Variants in RAPGEF5 observed in about 807,000 individuals in gnomAD.
The protein encoded by RAPGEF5 is M-Ras-regulated GEF.
A neutral mutation model predicts 125.2 loss-of-function variants in RAPGEF5; 65 were observed. The observed-to-expected ratio is 0.52, with a 90% CI of 0.43 to 0.64. The LOEUF (loss-of-function observed/expected upper bound fraction) is 0.64. Ranked by LOEUF, RAPGEF5 falls within the 30% of genes least tolerant of loss-of-function variation. RAPGEF5 has a pLI of 0.00. For missense variants in RAPGEF5, 958 were observed against 1,048.1 expected (o/e 0.91, Z 1.19); for synonymous variants, 391 against 385.9 (o/e 1.01, Z -0.16).
intron 4 of RAPGEF5, 97 bp from the exon 5 acceptor site, chr7:22,308,604 G>T: frequency 1.0e-6 from 1 of 1,005,022 alleles, no homozygotes; most frequent in Non-Finnish European, 1.4e-6. Context: ...ATAATTGGGA[G>T]CAATCAGGGT....
chr7:22,218,626 T>G (rs1356342939), intron 9 of RAPGEF5, among the ~76,000 whole-genome samples: 1 of 152,160 alleles, frequency 6.6e-6, no homozygotes, highest in Non-Finnish European at 1.5e-5. Flanking sequence ...TTTGAAAAAT[T>G]TAAGCTGCAC....
intron 11 of RAPGEF5, among the ~76,000 whole-genome samples, chr7:22,190,067 A>G (rs5014150): frequency 0.98 from 148,798 of 152,270 alleles, 72,712 homozygotes; most frequent in East Asian, 0.99. Context: ...GGATCACGAG[A>G]TCAGGAGTTC....
At chr7:22,204,126 A>G (rs1210440518) in intron 9 of RAPGEF5, among the ~76,000 whole-genome samples, 5 of 152,216 alleles carry the variant, frequency 3.3e-5, no homozygotes, top group African/African-American at 1.2e-4. Flanking sequence ...CAAGAGGATA[A>G]CATGACTTTT....
chr7:22,122,733 T>C (rs141350925), intron 25 of RAPGEF5, among the ~76,000 whole-genome samples: 36 of 152,352 alleles, frequency 2.4e-4, no homozygotes, highest in African/African-American at 7.5e-4. Context: ...GCAGGATACT[T>C]ATAGCATTTA....
rs1030196660 is a variant in RAPGEF5, at chr7:22,355,016, G to T, written c.231+1814C>A. ...CCAAAATCACAAAGGTAGTTCCAAGGCAGAAGAAAGGGGAAATAAACAGTC... is the reference window on the plus strand; with the variant it reads ...CCAAAATCACAAAGGTAGTTCCAAGTCAGAAGAAAGGGGAAATAAACAGTC... On this transcript the variant is annotated intron_variant, in intron 1 of 25. Coordinates refer to ENST00000665637, the MANE Select transcript of RAPGEF5 (RefSeq NM_012294.5). Among the ~76,000 whole-genome samples, 3 of 152,252 alleles carry T rather than the reference G, an allele frequency of 2.0e-5. 1 individual carries two copies. The highest frequency in any genetic ancestry group is 4.1e-4 in the South Asian group (2 of 4,826).
chr7:22,284,400 G>A lies in RAPGEF5; in HGVS notation c.747+6775C>T, dbSNP rs1782748914. On this transcript the variant is annotated intron_variant, in intron 6 of 25. Transcript: ENST00000665637. ...ACGTAGTATCAAGTCCTATGGCTCC[G>A]TATAAACCACAGAAAAAAGTTGCTA... 2.0e-5 allele frequency among the ~76,000 whole-genome samples: 3 copies of A among 152,084 alleles called. No individual in the cohort carries two copies. In the South Asian group the frequency reaches 6.2e-4, roughly 32 times the overall value.
intron 20 of RAPGEF5, among the ~76,000 whole-genome samples, chr7:22,140,565 A>G (rs1396949860): frequency 6.6e-6 from 1 of 152,052 alleles, no homozygotes; most frequent in Non-Finnish European, 1.5e-5. Flanking sequence ...ATTTAGGCAC[A>G]TTTTCTTTGC....
intron 12 of RAPGEF5, among the ~76,000 whole-genome samples, chr7:22,164,565 C>A (rs1784103420): frequency 6.6e-6 from 1 of 152,162 alleles, no homozygotes. Context: ...CAACCATTCT[C>A]CATTCATAGT....
intron 3 of RAPGEF5, among the ~76,000 whole-genome samples, chr7:22,312,032 A>T (rs1040110204): frequency 1.2e-4 from 18 of 152,200 alleles, no homozygotes; most frequent in Admixed American, 3.3e-4. Flanking sequence ...TAAACAAACT[A>T]AACTGTCAAA....
intron 6 of RAPGEF5, among the ~76,000 whole-genome samples, chr7:22,272,354 AAAAAAAAAAGAAGGAAAAAAAAG>A: frequency 9.2e-6 from 1 of 109,218 alleles, no homozygotes; most frequent in Non-Finnish European, 2.1e-5. Context: ...AAAAAAAAAA[AAAAAAAAAAGAAGGAAAAAAAAG>A]AAAAAAAAAT....
At chr7:22,351,107 T>C (rs1443490483) in intron 1 of RAPGEF5, among the ~76,000 whole-genome samples, 3 of 152,266 alleles carry the variant, frequency 2.0e-5, no homozygotes, top group African/African-American at 7.2e-5. Context: ...ATTTTGCTTA[T>C]GACACATGGA....
Position 22,248,832 on chromosome 7 carries a change from T to C in RAPGEF5, c.797-17913A>G, listed in dbSNP as rs757605307. Among the ~76,000 whole-genome samples the C allele has an allele frequency of 2.0e-5, 3 of 152,134 alleles. No homozygotes were observed. In the East Asian group the frequency reaches 5.8e-4, roughly 29 times the overall value. On this transcript the variant is annotated intron_variant, in intron 7 of 25. Coordinates refer to ENST00000665637, the MANE Select transcript of RAPGEF5 (RefSeq NM_012294.5). Reference sequence around the variant, plus strand: ...TCAAAGTGAAGAAGACTAGAACCTATAAAAGTAAGATGGCAAATTGTATGG... The same window carrying C: ...TCAAAGTGAAGAAGACTAGAACCTACAAAAGTAAGATGGCAAATTGTATGG...
In RAPGEF5 at chr7:22,352,135, A is replaced by G. The variant is rs1027572418; in HGVS notation, c.231+4695T>C. 8.5e-4 allele frequency among the ~76,000 whole-genome samples: 130 copies of G among 152,244 alleles called. 8 individuals are homozygous for G. The highest frequency in any genetic ancestry group is 4.4e-5 in the Non-Finnish European group (3 of 68,046). On this transcript the variant is annotated intron_variant, in intron 1 of 25. Transcript: ENST00000665637. ...ATTCTGGCTGCTGTAAATGAAACAG[A>G]TACCAAGACGTTGAAGACAGTGGCA...
chr7:22,300,608 C>T (rs766204189), intron 5 of RAPGEF5, among the ~76,000 whole-genome samples: 1 of 152,176 alleles, frequency 6.6e-6, no homozygotes, highest in Non-Finnish European at 1.5e-5. Flanking sequence ...GTCTGTCCCG[C>T]AGATGTCCAG....
At chr7:22,280,587 G>C (rs1445336440) in intron 6 of RAPGEF5, among the ~76,000 whole-genome samples, 1 of 152,184 alleles carries the variant, frequency 6.6e-6, no homozygotes, top group Non-Finnish European at 1.5e-5. Context: ...GAATGAACCA[G>C]TCAGAACTTA....
At chr7:22,333,753 A>G (rs973246079) in intron 1 of RAPGEF5, among the ~76,000 whole-genome samples, 3 of 152,220 alleles carry the variant, frequency 2.0e-5, no homozygotes, top group African/African-American at 7.2e-5. Flanking sequence ...GTGTAAGCTC[A>G]TATTTGGCTT....
Position 22,118,674 on chromosome 7 carries a change from G to C in RAPGEF5, c.*3732C>G, listed in dbSNP as rs936741696. ...TATCTTCTAATTGTTAATGCAAGCT[G>C]ACAATATCACAGCAGCCCTAATTAA... is the stretch of plus-strand genomic sequence containing the variant. On this transcript the variant is annotated 3_prime_UTR_variant, in exon 26 of 26. Coordinates refer to ENST00000665637, the MANE Select transcript of RAPGEF5 (RefSeq NM_012294.5). 2.0e-5 allele frequency: 3 copies of C among 152,566 alleles called. No individual in the cohort carries two copies. Among genetic ancestry groups the C allele is most frequent in the Non-Finnish European group, 4.4e-5 (3 of 68,022 alleles). 9.5% of individuals were successfully genotyped at this position (152,566 alleles called of 1,614,324 possible).
intron 5 of RAPGEF5, among the ~76,000 whole-genome samples, chr7:22,299,663 A>C (rs2128149854): frequency 1.3e-5 from 2 of 152,266 alleles, no homozygotes; most frequent in East Asian, 1.9e-4. Flanking sequence ...TTTCTTTTAG[A>C]AACAGTCAGC....
rs2128155105 is a variant in RAPGEF5 at position 22,317,967 on chromosome 7, A to G, written c.282+20T>C. On this transcript the variant is annotated intron_variant, in intron 2 of 25. Transcript: ENST00000665637. Reference sequence around the variant, plus strand: ...CAATCACTATTTCAGAAAAGGCAGTAAAAGAGAAAGGAATCATACCTGGGA... The same window carrying G: ...CAATCACTATTTCAGAAAAGGCAGTGAAAGAGAAAGGAATCATACCTGGGA... 6.5e-7 allele frequency: 1 copy of G among 1,547,288 alleles called. No individual in the cohort carries two copies. Among genetic ancestry groups the G allele is most frequent in the Non-Finnish European group, 8.7e-7 (1 of 1,146,236 alleles).
Sources: allele counts gnomAD v4.1 joint callset (sites outside exome capture counted in the v4.1 genomes callset), GRCh38; gene constraint gnomAD v4.1.1; transcripts MANE v1.5; gene names NCBI Gene and HGNC (gene_info 2026-07-23, HGNC 2026-07-21).